Variants in CEP120 observed in about 807,000 individuals in gnomAD.
The protein encoded by CEP120 is centrosomal protein of 120 kDa.
In CEP120, 113 loss-of-function variants were observed where a neutral mutation model predicts 126.5. The ratio of observed to expected loss-of-function variants is 0.89; its 90% confidence interval spans 0.77 to 1.04. CEP120 has a LOEUF of 1.04. Ranked by LOEUF, CEP120 falls within the 50% of genes least tolerant of loss-of-function variation. CEP120 has a pLI of 0.00. For missense variants in CEP120, 1,230 were observed against 1,155.7 expected (o/e 1.06, Z -0.93); for synonymous variants, 400 against 394.3 (o/e 1.01, Z -0.17).
chr5:123,418,558 A>G, intron 1 of CEP120, 43 bp from the exon 2 acceptor site: 5 of 1,473,420 alleles, frequency 3.4e-6, no homozygotes, highest in Non-Finnish European at 3.7e-6. Context: ...GTGTACAAAA[A>G]TCAAACAGGA....
At chr5:123,358,009 C>T (rs1769770452) in intron 18 of CEP120, among the ~76,000 whole-genome samples, 1 of 152,006 alleles carries the variant, frequency 6.6e-6, no homozygotes, top group South Asian at 2.1e-4. Context: ...CCCCTAGTAC[C>T]AGAAATTCTC....
At chr5:123,403,518 G>A (rs535520981) in intron 4 of CEP120, among the ~76,000 whole-genome samples, 5 of 152,302 alleles carry the variant, frequency 3.3e-5, no homozygotes, top group African/African-American at 1.2e-4. Flanking sequence ...TAAACGAATT[G>A]AAGGTCTAAT....
rs755078840 is a variant in CEP120 at position 123,423,015 on chromosome 5, C to G, written c.-17G>C. ...GGAGACCATGGTTGCGGTGAGCGGT[C>G]CGGGGGCGAAGGCGGCTGGGGGGAA... On this transcript the variant is annotated 5_prime_UTR_variant, in exon 1 of 20. Transcript: ENST00000306467. 1.9e-6 allele frequency: 3 copies of G among 1,613,398 alleles called. No homozygotes were observed. Among genetic ancestry groups the G allele is most frequent in the Non-Finnish European group, 2.5e-6 (3 of 1,179,586 alleles).
At position 123,390,042 on chromosome 5, in the gene CEP120, T is replaced by C. The variant is rs1341214635; in HGVS notation, c.1137A>G (p.Lys379=). Residue 379 remains lysine, a synonymous_variant, in exon 8 of 20, where the codon AAA becomes AAG. Coordinates refer to ENST00000306467, the MANE Select transcript of CEP120 (RefSeq NM_001375405.1). ...PIKEKTLTGP[K]SPTVSPVPSH... ...ATGGAACAGGGGACACTGTTGGTGA[T>C]TTTGGCCCAGTAAGTGTCTTCTCCT... 6.2e-7 allele frequency: 1 copy of C among 1,613,940 alleles called. No individual in the cohort carries two copies. Among genetic ancestry groups the C allele is most frequent in the Non-Finnish European group, 8.5e-7 (1 of 1,179,920 alleles).
chr5:123,375,471 C>T (rs1283398824), intron 16 of CEP120, among the ~76,000 whole-genome samples: 3 of 151,810 alleles, frequency 2.0e-5, no homozygotes, highest in Non-Finnish European at 4.4e-5. Context: ...CACAGGTGTG[C>T]ACCACTATGC....
chr5:123,346,533 TG>T lies in CEP120; in HGVS notation c.2946del (p.Ser982ArgfsTer52). 3.7e-6 allele frequency: 6 copies of T among 1,610,782 alleles called. No individual in the cohort carries two copies. Among genetic ancestry groups the T allele is most frequent in the Non-Finnish European group, 4.2e-6 (5 of 1,178,910 alleles). On this transcript the variant is annotated frameshift_variant, in exon 20 of 20. Coordinates refer to ENST00000306467, the MANE Select transcript of CEP120 (RefSeq NM_001375405.1). LOFTEE classifies it high-confidence loss of function. ...DRQIREILAKSNASN is the reference protein window; with the variant it reads ...DRQIREILAKXNASN ...TCCAAATGTTATTAATTACTGGCAT[TG>T]CTTTTTGCCAAAATCTCTCTGATCT...
At chr5:123,402,178 C>T in intron 4 of CEP120, 6 of 1,577,668 alleles carry the variant, frequency 3.8e-6, no homozygotes, top group Non-Finnish European at 5.2e-6. Flanking sequence ...CCGCTGGCCC[C>T]ACCACAGCCG....
At position 123,352,430 on chromosome 5, in the gene CEP120, A is replaced by C. The variant is rs1008695849; in HGVS notation, c.2581-2341T>G. Among the ~76,000 whole-genome samples the C allele has an allele frequency of 2.6e-5, 4 of 152,070 alleles. 1 individual carries two copies. Among genetic ancestry groups the C allele is most frequent in the Admixed American group, 2.6e-4 (4 of 15,242 alleles). On this transcript the variant is annotated intron_variant, in intron 18 of 19. Transcript: ENST00000306467. Reference sequence around the variant, plus strand: ...CACTTTTTGCCCATGTAGAGCTCAAACTGACCTAGCAACATTTATTGAAAA... The same window carrying C: ...CACTTTTTGCCCATGTAGAGCTCAACCTGACCTAGCAACATTTATTGAAAA...
At chr5:123,354,660 G>T (rs1490989796) in intron 18 of CEP120, among the ~76,000 whole-genome samples, 1 of 151,928 alleles carries the variant, frequency 6.6e-6, no homozygotes, top group Non-Finnish European at 1.5e-5. Context: ...ACAGTAAAAT[G>T]CCTCTCGCCC....
At position 123,377,463 on chromosome 5, in the gene CEP120, T is replaced by C. The variant is rs1428337491; in HGVS notation, c.2269A>G (p.Arg757Gly). 3.1e-6 allele frequency: 5 copies of C among 1,611,522 alleles called. No homozygotes were observed. The South Asian group carries it at 5.5e-5, about 18-fold the overall frequency. Reference sequence around the variant, plus strand: ...TGGTGAATACAGTCCTCTTTGGCCCTACGGATAGAGTCCTGCAGTTCTTGC... The same window carrying C: ...TGGTGAATACAGTCCTCTTTGGCCCCACGGATAGAGTCCTGCAGTTCTTGC... ...NLQELQDSIR[R>G]AKEDCIHQVE... The change falls in exon 16 of 20, where the codon AGG becomes GGG. Residue 757 changes from arginine (R) to glycine (G), a missense_variant. Arg to Gly is a moderately radical substitution (Grantham distance 125, BLOSUM62 -2). Coordinates refer to ENST00000306467, the MANE Select transcript of CEP120 (RefSeq NM_001375405.1).
In CEP120 at chr5:123,393,359, G is replaced by A. The variant is rs773419230; in HGVS notation, c.751C>T (p.Arg251Cys). 13 of 1,613,984 alleles carry A rather than the reference G, an allele frequency of 8.1e-6. No homozygotes were observed. In the Admixed American group the frequency reaches 1.3e-4, roughly 17 times the overall value. The change falls in exon 6 of 20, where the codon CGC becomes TGC. Residue 251 changes from arginine (R) to cysteine (C), a missense_variant. Arg to Cys is a radical substitution (Grantham distance 180, BLOSUM62 -3). Coordinates refer to ENST00000306467, the MANE Select transcript of CEP120 (RefSeq NM_001375405.1). Reference protein sequence around the residue: ...PNFEPERASVRIRSSVEILRV... With the variant: ...PNFEPERASVCIRSSVEILRV... ...AGAATTTCTACACTGCTACGGATGC[G>A]AACTGATGCTCTCTCTGGCTCAAAG...
intron 17 of CEP120, among the ~76,000 whole-genome samples, chr5:123,370,230 A>G (rs986686681): frequency 2.0e-5 from 3 of 152,046 alleles, no homozygotes; most frequent in Non-Finnish European, 2.9e-5. Context: ...GTAAGTATTA[A>G]AAGTTCCTAG....
rs553095709 is a variant in CEP120, at chr5:123,354,043, C to T, written c.2581-3954G>A. Among the ~76,000 whole-genome samples, 5 of 152,162 alleles carry T rather than the reference C, an allele frequency of 3.3e-5. No individual in the cohort carries two copies. The South Asian group carries it at 8.3e-4, about 25-fold the overall frequency. On this transcript the variant is annotated intron_variant, in intron 18 of 19. Transcript: ENST00000306467. ...CAGATTTATTGTCTTATTTTCTAAA[C>T]ACAACTGTGGTTATACATTTCCCTC...
chr5:123,419,531 CA>C (rs1388202596), intron 1 of CEP120, among the ~76,000 whole-genome samples: 2 of 80,894 alleles, frequency 2.5e-5, no homozygotes, highest in Non-Finnish European at 5.1e-5. Context: ...GACTCCATCT[CA>C]AAAAAAAACA....
chr5:123,360,793 A>C (rs1490011037), intron 18 of CEP120, among the ~76,000 whole-genome samples: 1 of 151,724 alleles, frequency 6.6e-6, no homozygotes, highest in East Asian at 1.9e-4. Flanking sequence ...TTCACACTGA[A>C]TCTTCTTTTA....
At chr5:123,383,680 T>C (rs1403232677) in intron 11 of CEP120, among the ~76,000 whole-genome samples, 4 of 152,176 alleles carry the variant, frequency 2.6e-5, no homozygotes, top group Admixed American at 2.0e-4. Flanking sequence ...ACATAAGCAA[T>C]GCCTCTAGGC....
intron 5 of CEP120, among the ~76,000 whole-genome samples, chr5:123,398,700 A>T (rs1159222692): frequency 6.6e-6 from 1 of 152,212 alleles, no homozygotes; most frequent in Admixed American, 6.5e-5. Flanking sequence ...GCTAGCATCC[A>T]TGACAGTAAC....
intron 4 of CEP120, among the ~76,000 whole-genome samples, chr5:123,405,304 C>T (rs555773506): frequency 6.6e-6 from 1 of 152,288 alleles, no homozygotes; most frequent in East Asian, 1.9e-4. Flanking sequence ...GGCAGCCCCA[C>T]ACTTTCGTGA....
intron 19 of CEP120, among the ~76,000 whole-genome samples, chr5:123,349,560 A>T (rs1387540455): frequency 1.3e-5 from 2 of 152,204 alleles, no homozygotes; most frequent in African/African-American, 4.8e-5. Flanking sequence ...TATAAATGGA[A>T]ACACAAGAGC....
Sources: gnomAD v4.1 joint callset for allele counts (sites outside exome capture counted in the v4.1 genomes callset) on GRCh38, gnomAD v4.1.1 for gene constraint, MANE v1.5 for transcripts, NCBI Gene and HGNC (gene_info 2026-07-23, HGNC 2026-07-21) for gene names.